Variants in BCL11B observed in about 807,000 individuals in gnomAD.
BCL11B encodes the protein BCL11 transcription factor B, also known as B-cell lymphoma/leukemia 11B.
BCL11B carries 8 observed loss-of-function variants against 49.9 expected under a neutral mutation model. The ratio of observed to expected loss-of-function variants is 0.16; its 90% CI spans 0.09 to 0.29. The LOEUF (loss-of-function observed/expected upper bound fraction) is 0.29. BCL11B is among the 10% of genes least tolerant of loss of function. The pLI, the probability that BCL11B is intolerant of heterozygous loss-of-function variation, is 1.00. For synonymous variants in BCL11B, 739 were observed against 637.4 expected, an observed-to-expected ratio of 1.16 and a Z score of -2.40; for missense variants, 1,006 against 1,351.0, an observed-to-expected ratio of 0.74 and a Z score of 4.00.
rs148455138 is a variant in BCL11B at position 99,190,482 on chromosome 14, C to T, written c.641-14287G>A. On this transcript the variant is annotated intron_variant, in intron 3 of 3. Transcript: ENST00000357195. Reference sequence around the variant, plus strand: ...CAGCCTGGGCGACAGAGCGAGACTTCGTCTCAAATAGAAATAAATAAATAC... The same window carrying T: ...CAGCCTGGGCGACAGAGCGAGACTTTGTCTCAAATAGAAATAAATAAATAC... 7.1e-4 allele frequency among the ~76,000 whole-genome samples: 108 copies of T among 152,308 alleles called. No homozygotes were observed. In the East Asian group the frequency reaches 0.019, roughly 26 times the overall value.
At chr14:99,258,399 A>G (rs1177011509) in intron 1 of BCL11B, among the ~76,000 whole-genome samples, 1 of 140,820 alleles carries the variant, frequency 7.1e-6, no homozygotes, top group Non-Finnish European at 1.5e-5. Context: ...CTGGAGCCCC[A>G]CCCCTCCCAT....
At chr14:99,253,859 A>G (rs1186882822) in intron 2 of BCL11B, among the ~76,000 whole-genome samples, 6 of 152,218 alleles carry the variant, frequency 3.9e-5, no homozygotes, top group Non-Finnish European at 1.5e-5. Flanking sequence ...AAAGAATGTA[A>G]ACCTATAGGC....
chr14:99,188,881 C>T (rs1282318419), intron 3 of BCL11B, among the ~76,000 whole-genome samples: 1 of 152,240 alleles, frequency 6.6e-6, no homozygotes, highest in Non-Finnish European at 1.5e-5. Context: ...AACTGCAGTG[C>T]TAGAGTAACT....
chr14:99,182,806 C>A (rs1886746007), intron 3 of BCL11B, among the ~76,000 whole-genome samples: 1 of 152,208 alleles, frequency 6.6e-6, no homozygotes, highest in Admixed American at 6.5e-5. Context: ...TCCTCTTTAA[C>A]CCCAGGCTCC....
rs1886324528 is a variant in BCL11B at position 99,172,524 on chromosome 14, A to AC, written c.*1626dup. The AC allele has an allele frequency of 4.8e-6, 1 of 206,746 alleles. No individual in the cohort carries two copies. The highest frequency in any genetic ancestry group is 2.3e-5 in the African/African-American group (1 of 43,792). 12.8% of individuals were successfully genotyped at this position (206,746 alleles called of 1,614,324 possible). A position where few individuals can be genotyped will look rare whatever the true frequency, so the allele number is the denominator to read the frequency against. On this transcript the variant is annotated 3_prime_UTR_variant, in exon 4 of 4. Transcript: ENST00000357195. ...AAAAGTTTTGCATTTGTCTCAAGAG[A>AC]CTCAAATAGGAAGATCAGTTTTCAA... is the stretch of plus-strand genomic sequence containing the variant.
intron 3 of BCL11B, among the ~76,000 whole-genome samples, chr14:99,222,515 T>A (rs1288563375): frequency 2.0e-5 from 3 of 152,174 alleles, no homozygotes; most frequent in Non-Finnish European, 2.9e-5. Flanking sequence ...ACATGCCAAG[T>A]CCCTGACTCC....
At chr14:99,236,459 A>G (rs1431794793) in intron 2 of BCL11B, among the ~76,000 whole-genome samples, 1 of 152,100 alleles carries the variant, frequency 6.6e-6, no homozygotes, top group Admixed American at 6.5e-5. Flanking sequence ...GGTTTGCTAC[A>G]GAGGGAAGAT....
chr14:99,174,077 G>A lies in BCL11B; in HGVS notation c.*74C>T. On this transcript the variant is annotated 3_prime_UTR_variant, in exon 4 of 4. Transcript: ENST00000357195. ...GGGTGCGGGGTGGCGGTGACACGGAGGCAAGTCAGGTCAGCATTCTCTCGG... is the reference window on the plus strand; with the variant it reads ...GGGTGCGGGGTGGCGGTGACACGGAAGCAAGTCAGGTCAGCATTCTCTCGG... The A allele has an allele frequency of 6.7e-7, 1 of 1,484,814 alleles. No homozygotes were observed. Among genetic ancestry groups the A allele is most frequent in the Non-Finnish European group, 9.2e-7 (1 of 1,090,580 alleles). 92.0% of individuals were successfully genotyped at this position (1,484,814 alleles called of 1,614,324 possible).
chr14:99,244,258 G>A lies in BCL11B; in HGVS notation c.428-12701C>T, dbSNP rs528898994. ...CCAGCCAATACTTCAGCCAACCACA[G>A]GTTACCTGTCTTTCAAGCAAAACAT... On this transcript the variant is annotated intron_variant, in intron 2 of 3. Coordinates refer to ENST00000357195, the MANE Select transcript of BCL11B (RefSeq NM_138576.4). Among the ~76,000 whole-genome samples, 10 of 152,162 alleles carry A rather than the reference G, an allele frequency of 6.6e-5. No homozygotes were observed. The South Asian group carries it at 1.5e-3, about 22-fold the overall frequency.
chr14:99,228,448 T>C lies in BCL11B; in HGVS notation c.640+2897A>G, dbSNP rs1595265054. ...CTGGGACCGAATGAAAAAAGAGAAC[T>C]GTACCAGACATGGTGGCAGAGGGCA... On this transcript the variant is annotated intron_variant, in intron 3 of 3. Coordinates refer to ENST00000357195, the MANE Select transcript of BCL11B (RefSeq NM_138576.4). The surrounding 1 kb of genome is among the most constrained non-coding windows in gnomAD (Gnocchi z 4.8). 6.6e-6 allele frequency among the ~76,000 whole-genome samples: 1 copy of C among 152,230 alleles called. No homozygotes were observed. Among genetic ancestry groups the C allele is most frequent in the East Asian group, 1.9e-4 (1 of 5,176 alleles).
At position 99,205,319 on chromosome 14, in the gene BCL11B, C is replaced by T. The variant is rs1465240006; in HGVS notation, c.640+26026G>A. Among the ~76,000 whole-genome samples, 1 of 152,134 alleles carries T rather than the reference C, an allele frequency of 6.6e-6. No individual in the cohort carries two copies. The highest frequency in any genetic ancestry group is 1.5e-5 in the Non-Finnish European group (1 of 68,018). ...CTGAAAATGAGCATCCGGGGACAGT[C>T]CCTAACTGAGACGGCCCAGGCCAGC... On this transcript the variant is annotated intron_variant, in intron 3 of 3. Transcript: ENST00000357195. The surrounding 1 kb of genome is among the most constrained non-coding windows in gnomAD (Gnocchi z 5.0).
intron 3 of BCL11B, among the ~76,000 whole-genome samples, chr14:99,211,005 A>G (rs2139842445): frequency 6.6e-6 from 1 of 152,292 alleles, no homozygotes; most frequent in Non-Finnish European, 1.5e-5. Flanking sequence ...CCCCTCTACC[A>G]ATGACGACAA....
intron 3 of BCL11B, among the ~76,000 whole-genome samples, chr14:99,211,106 GT>G (rs1887676030): frequency 6.6e-6 from 1 of 152,182 alleles, no homozygotes; most frequent in Non-Finnish European, 1.5e-5. Context: ...GCGTACCCAG[GT>G]AATACCATGA....
intron 3 of BCL11B, among the ~76,000 whole-genome samples, chr14:99,221,603 C>A (rs970346473): frequency 1.3e-5 from 2 of 152,270 alleles, no homozygotes; most frequent in Non-Finnish European, 2.9e-5. Flanking sequence ...GGACCAGACG[C>A]AAGGACAGGA....
chr14:99,238,164 T>C (rs1888560130), intron 2 of BCL11B, among the ~76,000 whole-genome samples: 1 of 152,078 alleles, frequency 6.6e-6, no homozygotes, highest in Non-Finnish European at 1.5e-5. Context: ...CAGGCTGCCC[T>C]ACTCTAAGCT....
At chr14:99,263,502 G>A (rs1254831780) in intron 1 of BCL11B, among the ~76,000 whole-genome samples, 3 of 152,230 alleles carry the variant, frequency 2.0e-5, no homozygotes, top group Non-Finnish European at 4.4e-5. Context: ...CCGTGAAGAG[G>A]TTTTAGATGC....
chr14:99,212,218 C>A (rs1187275451), intron 3 of BCL11B, among the ~76,000 whole-genome samples: 8 of 152,164 alleles, frequency 5.3e-5, no homozygotes. Context: ...AAATGGATCT[C>A]CCCAAAATTT....
At chr14:99,237,759 A>C (rs925768545) in intron 2 of BCL11B, among the ~76,000 whole-genome samples, 1 of 152,216 alleles carries the variant, frequency 6.6e-6, no homozygotes, top group Non-Finnish European at 1.5e-5. Flanking sequence ...ACATAAAAAC[A>C]GTTCGAATCT....
At chr14:99,177,795 C>T (rs926211311) in intron 3 of BCL11B, among the ~76,000 whole-genome samples, 1 of 151,990 alleles carries the variant, frequency 6.6e-6, no homozygotes, top group Non-Finnish European at 1.5e-5. Context: ...CTCCACCAAT[C>T]GATTACAGGC....
Sources: gnomAD v4.1 joint callset for allele counts (sites outside exome capture counted in the v4.1 genomes callset) on GRCh38, gnomAD v4.1.1 for gene constraint, Gnocchi (gnomAD v3.1) non-coding constraint, MANE v1.5 for transcripts, NCBI Gene and HGNC (gene_info 2026-07-23, HGNC 2026-07-21) for gene names.